KIRREL3: variants seen among roughly 807,000 people sequenced by gnomAD.
The protein encoded by KIRREL3 is kirre like nephrin family adhesion molecule 3.
KIRREL3 carries 36 observed loss-of-function variants against 89.7 expected under a neutral mutation model. That is an observed-to-expected ratio of 0.40 (90% CI 0.31 to 0.53). The LOEUF (loss-of-function observed/expected upper bound fraction) is 0.53, where lower values mean the gene tolerates loss of function less well. Ranked by LOEUF, KIRREL3 falls within the 20% of genes least tolerant of loss-of-function variation. The pLI, the probability that KIRREL3 is intolerant of heterozygous loss-of-function variation, is 0.49. For synonymous variants in KIRREL3, 445 were observed against 441.4 expected, an observed-to-expected ratio of 1.01 and a Z score of -0.10; for missense variants, 864 against 1,056.6, an observed-to-expected ratio of 0.82 and a Z score of 2.53.
intron 1 of KIRREL3, among the ~76,000 whole-genome samples, chr11:126,825,887 G>A (rs971466095): frequency 7.9e-5 from 12 of 152,178 alleles, no homozygotes; most frequent in Admixed American, 1.3e-4. Context: ...TAATCAGGTT[G>A]TCCTTTTCTC....
rs925367305 is a variant in KIRREL3 at position 126,747,864 on chromosome 11, C to T, written c.56-184952G>A. On this transcript the variant is annotated intron_variant, in intron 1 of 16. Coordinates refer to ENST00000525144, the MANE Select transcript of KIRREL3 (RefSeq NM_032531.4). This position sits in a 1 kb window ranked among gnomAD's most constrained non-coding sequence, Gnocchi z 4.7. ...ATTCTCAGTGGCCCTTGCCCCTTAG[C>T]AACCTCAGGTCAACTGGAAGACTCC... Among the ~76,000 whole-genome samples, 11 of 152,182 alleles carry T rather than the reference C, an allele frequency of 7.2e-5. No individual in the cohort carries two copies. The highest frequency in any genetic ancestry group is 3.3e-4 in the Admixed American group (5 of 15,286).
intron 1 of KIRREL3, among the ~76,000 whole-genome samples, chr11:126,979,462 C>T (rs187478896): frequency 4.6e-5 from 7 of 152,250 alleles, no homozygotes; most frequent in East Asian, 1.9e-4. Context: ...GATTGATTTG[C>T]GGGAAATTCA....
Position 126,740,624 on chromosome 11 carries a change from A to G in KIRREL3, c.56-177712T>C, listed in dbSNP as rs1206119215. Among the ~76,000 whole-genome samples, 2 of 152,060 alleles carry G rather than the reference A, an allele frequency of 1.3e-5. No homozygotes were observed. Among genetic ancestry groups the G allele is most frequent in the African/African-American group, 4.8e-5 (2 of 41,424 alleles). On this transcript the variant is annotated intron_variant, in intron 1 of 16. Transcript: ENST00000525144. The surrounding 1 kb of genome is among the most constrained non-coding windows in gnomAD (Gnocchi z 6.0). ...TGAGAGGGAAGGCCAATAAGATAAT[A>G]ATCCCTTAGCTTGACTGTGGCTCCA...
rs930995983 is a variant in KIRREL3, at chr11:126,486,273, CAG to C, written c.434-12809_434-12808del. Among the ~76,000 whole-genome samples the C allele has an allele frequency of 9.7e-4, 148 of 151,976 alleles. 2 individuals carry two copies. Among genetic ancestry groups the C allele is most frequent in the Non-Finnish European group, 4.0e-4 (27 of 67,992 alleles). Reference sequence around the variant, plus strand: ...GGTGAGAGGGCTTGGGAGAGGCCAGCAGAGAAGGGACAGTGGGGTGGGGGAGT... The same window carrying C: ...GGTGAGAGGGCTTGGGAGAGGCCAGCAGAAGGGACAGTGGGGTGGGGGAGT... On this transcript the variant is annotated intron_variant, in intron 4 of 16. Transcript: ENST00000525144. The surrounding 1 kb of genome is among the most constrained non-coding windows in gnomAD (Gnocchi z 6.2).
chr11:126,882,035 T>C (rs1945524312), intron 1 of KIRREL3, among the ~76,000 whole-genome samples: 1 of 152,126 alleles, frequency 6.6e-6, no homozygotes, highest in South Asian at 2.1e-4. Flanking sequence ...GATCAAGCCC[T>C]AAATAGGCCC....
chr11:126,592,647 C>CG (rs1405176971), intron 1 of KIRREL3, among the ~76,000 whole-genome samples: 1 of 152,216 alleles, frequency 6.6e-6, no homozygotes, highest in Non-Finnish European at 1.5e-5. Flanking sequence ...GCCTGCTGTG[C>CG]GGGAAACAGC....
chr11:126,881,550 C>T (rs1945496926), intron 1 of KIRREL3, among the ~76,000 whole-genome samples: 1 of 152,226 alleles, frequency 6.6e-6, no homozygotes, highest in East Asian at 1.9e-4. Flanking sequence ...TTAAAAAAAT[C>T]ATTTTAATAT....
chr11:126,956,573 G>C (rs531357876), intron 1 of KIRREL3, among the ~76,000 whole-genome samples: 6 of 152,316 alleles, frequency 3.9e-5, no homozygotes, highest in Non-Finnish European at 7.4e-5. Flanking sequence ...CCAAGGAGAC[G>C]TGACTCCAGT....
intron 1 of KIRREL3, among the ~76,000 whole-genome samples, chr11:126,661,625 A>G (rs1035516583): frequency 6.6e-5 from 10 of 152,136 alleles, no homozygotes; most frequent in East Asian, 1.9e-4. Flanking sequence ...GATTTCCAGG[A>G]TGGATTTCTG....
At chr11:126,456,058 C>CT (rs1956333774) in intron 7 of KIRREL3, among the ~76,000 whole-genome samples, 2 of 21,900 alleles carry the variant, frequency 9.1e-5, no homozygotes, top group African/African-American at 2.9e-4. Flanking sequence ...TTTTTTTTTT[C>CT]CTGAGCCTTT....
intron 4 of KIRREL3, among the ~76,000 whole-genome samples, chr11:126,506,456 A>G (rs1171629204): frequency 6.6e-6 from 1 of 152,266 alleles, no homozygotes; most frequent in East Asian, 1.9e-4. Context: ...TAGACATTTT[A>G]CCAAAGAAGA....
intron 1 of KIRREL3, among the ~76,000 whole-genome samples, chr11:126,855,064 G>T (rs1944465259): frequency 6.6e-6 from 1 of 152,210 alleles, no homozygotes; most frequent in Non-Finnish European, 1.5e-5. Flanking sequence ...CCCAGCGGCA[G>T]TCTGGCTCAG....
chr11:126,869,327 C>G (rs1945028095), intron 1 of KIRREL3, among the ~76,000 whole-genome samples: 1 of 152,166 alleles, frequency 6.6e-6, no homozygotes, highest in Admixed American at 6.5e-5. Context: ...TGAGACCTGG[C>G]TGCCATACTC....
rs1467604897 is a variant in KIRREL3, at chr11:126,601,875, C to T, written c.56-38963G>A. The stretch of plus-strand genomic sequence containing the variant: ...AAGGTGGAGGTCTTGGCCTGAGAAC[C>T]GTGCATACGGGACAGCATGAGTTTT... On this transcript the variant is annotated intron_variant, in intron 1 of 16. Transcript: ENST00000525144. This position sits in a 1 kb window ranked among gnomAD's most constrained non-coding sequence, Gnocchi z 5.8. Among the ~76,000 whole-genome samples, 4 of 152,124 alleles carry T rather than the reference C, an allele frequency of 2.6e-5. No homozygotes were observed. The highest frequency in any genetic ancestry group is 7.2e-5 in the African/African-American group (3 of 41,406).
At chr11:126,472,227 A>G (rs868011315) in intron 5 of KIRREL3, among the ~76,000 whole-genome samples, 7 of 152,208 alleles carry the variant, frequency 4.6e-5, no homozygotes, top group Admixed American at 2.6e-4. Context: ...CTCAAATTTA[A>G]CTGGGCATCT....
At position 126,553,038 on chromosome 11, in the gene KIRREL3, CATG is replaced by C. The variant is rs1939411585; in HGVS notation, c.133+9794_133+9796del. 6.6e-6 allele frequency among the ~76,000 whole-genome samples: 1 copy of C among 152,240 alleles called. No individual in the cohort carries two copies. Among genetic ancestry groups the C allele is most frequent in the South Asian group, 2.1e-4 (1 of 4,832 alleles). On this transcript the variant is annotated intron_variant, in intron 2 of 16. Coordinates refer to ENST00000525144, the MANE Select transcript of KIRREL3 (RefSeq NM_032531.4). The surrounding 1 kb of genome is among the most constrained non-coding windows in gnomAD (Gnocchi z 4.7). ...GTCTAGTGGGGACACTAGTACCACTCATGGTGTGTGTGAGCACACTCGTGAAGG... is the reference window on the plus strand; with the variant it reads ...GTCTAGTGGGGACACTAGTACCACTCGTGTGTGTGAGCACACTCGTGAAGG...
At chr11:126,774,618 C>T (rs1419161414) in intron 1 of KIRREL3, among the ~76,000 whole-genome samples, 1 of 152,164 alleles carries the variant, frequency 6.6e-6, no homozygotes, top group Non-Finnish European at 1.5e-5. Context: ...TGCACCCAAA[C>T]GCTGCATTTA....
At chr11:126,828,685 G>A (rs10893584) in intron 1 of KIRREL3, among the ~76,000 whole-genome samples, 82,696 of 151,960 alleles carry the variant, frequency 0.54, 22,529 homozygotes, top group East Asian at 0.69. Flanking sequence ...CTGCAGTCAC[G>A]CTTAAGAATG....
chr11:126,785,903 G>T, intron 1 of KIRREL3, among the ~76,000 whole-genome samples: 1 of 76,146 alleles, frequency 1.3e-5, no homozygotes. Flanking sequence ...AAAAAAAAAA[G>T]CCTACAGAAT....
Sources: gnomAD v4.1 joint callset for allele counts (sites outside exome capture counted in the v4.1 genomes callset) on GRCh38, gnomAD v4.1.1 for gene constraint, Gnocchi (gnomAD v3.1) non-coding constraint, MANE v1.5 for transcripts, NCBI Gene and HGNC (gene_info 2026-07-23, HGNC 2026-07-21) for gene names.